The following PRELID2 variants were observed in gnomAD, a reference collection of about 807,000 sequenced individuals.
The protein encoded by PRELID2 is PRELI domain containing 2.
In PRELID2, 25 loss-of-function variants were observed where a neutral mutation model predicts 28.4. The observed-to-expected ratio is 0.88, with a 90% CI of 0.64 to 1.23. PRELID2 has a LOEUF of 1.23. Ranked by LOEUF, PRELID2 falls within the 50% of genes most tolerant of loss-of-function variation. The pLI, the probability that PRELID2 is intolerant of heterozygous loss-of-function variation, is 0.00. For missense variants in PRELID2, 201 were observed against 214.4 expected (o/e 0.94, Z 0.39); for synonymous variants, 76 against 71.6 (o/e 1.06, Z -0.31).
intron 1 of PRELID2, among the ~76,000 whole-genome samples, chr5:145,714,468 T>G (rs1755788890): frequency 6.6e-6 from 1 of 151,888 alleles, no homozygotes; most frequent in Non-Finnish European, 1.5e-5. Flanking sequence ...AAAATAAGAA[T>G]CAAATCGTTT....
chr5:145,319,113 AG>A, the PRELID2 span, among the ~76,000 whole-genome samples: 27 of 152,102 alleles, frequency 1.8e-4, no homozygotes, highest in South Asian at 4.2e-3. Context: ...GGTATGGTAT[AG>A]GGGGGCGTTG....
chr5:145,795,582 C>T (rs1752686211), intron 5 of PRELID2: 1 of 152,018 alleles, frequency 6.6e-6, no homozygotes, highest in Non-Finnish European at 1.5e-5. Context: ...TTTACACCAG[C>T]GGTTAATTCT....
At chr5:145,417,066 G>A in the PRELID2 span, among the ~76,000 whole-genome samples, 7 of 151,906 alleles carry the variant, frequency 4.6e-5, no homozygotes, top group Non-Finnish European at 7.4e-5. Context: ...GAAATGATAA[G>A]GGAGATATCA....
chr5:145,827,603 T>C (rs567413804), intron 1 of PRELID2, among the ~76,000 whole-genome samples: 1 of 152,262 alleles, frequency 6.6e-6, no homozygotes, highest in South Asian at 2.1e-4. Flanking sequence ...CTTTCAAAAA[T>C]GACCCAATAA....
intron 1 of PRELID2, among the ~76,000 whole-genome samples, chr5:145,534,157 C>T (rs1304822106): frequency 6.6e-6 from 1 of 151,946 alleles, no homozygotes; most frequent in African/African-American, 2.4e-5. Context: ...CTATTTAGGT[C>T]CTTTGACCCA....
chr5:145,295,424 C>T, the PRELID2 span, among the ~76,000 whole-genome samples: 1 of 152,062 alleles, frequency 6.6e-6, no homozygotes, highest in Admixed American at 6.6e-5. Context: ...TTGTGAAACC[C>T]TTTACACTGA....
chr5:145,291,980 C>G, the PRELID2 span, among the ~76,000 whole-genome samples: 1 of 152,078 alleles, frequency 6.6e-6, no homozygotes, highest in Admixed American at 6.6e-5. Context: ...GGTTATTTTT[C>G]CATATATGAT....
At chr5:145,826,249 T>A in intron 1 of PRELID2, 1 of 882,726 alleles carries the variant, frequency 1.1e-6, no homozygotes, top group Non-Finnish European at 1.4e-6. Context: ...TATAATAGTG[T>A]AAAGCCCGCA....
the PRELID2 span, among the ~76,000 whole-genome samples, chr5:145,432,065 AATAC>A: frequency 6.6e-6 from 1 of 152,298 alleles, no homozygotes; most frequent in South Asian, 2.1e-4. Flanking sequence ...ATTTCAGACT[AATAC>A]ATACATCATG....
intron 1 of PRELID2, among the ~76,000 whole-genome samples, chr5:145,495,749 T>A (rs999985803): frequency 6.6e-6 from 1 of 152,204 alleles, no homozygotes; most frequent in African/African-American, 2.4e-5. Context: ...GCATTAATAA[T>A]GCTAGATTTA....
chr5:145,564,284 C>T (rs1234002596), intron 1 of PRELID2, among the ~76,000 whole-genome samples: 1 of 152,232 alleles, frequency 6.6e-6, no homozygotes, highest in East Asian at 1.9e-4. Context: ...AAACTCCTTT[C>T]TGAAGTCCTC....
At chr5:145,268,326 G>T in the PRELID2 span, among the ~76,000 whole-genome samples, 1 of 148,924 alleles carries the variant, frequency 6.7e-6, no homozygotes, top group Admixed American at 6.6e-5. Context: ...TATGGCAAAA[G>T]ATATGGGCTC....
the PRELID2 span, among the ~76,000 whole-genome samples, chr5:145,451,786 T>A: frequency 6.6e-6 from 1 of 152,188 alleles, no homozygotes; most frequent in Non-Finnish European, 1.5e-5. Flanking sequence ...TATATTTTAA[T>A]GCAGCAATAG....
the PRELID2 span, among the ~76,000 whole-genome samples, chr5:145,380,842 A>G: frequency 2.0e-5 from 3 of 152,196 alleles, no homozygotes; most frequent in Non-Finnish European, 4.4e-5. Flanking sequence ...TGTCATCCAT[A>G]ACAAAGGGTC....
intron 1 of PRELID2, among the ~76,000 whole-genome samples, chr5:145,556,267 T>C (rs1358742362): frequency 6.6e-6 from 1 of 152,124 alleles, no homozygotes; most frequent in Non-Finnish European, 1.5e-5. Flanking sequence ...ATAAGAGCCT[T>C]ATGTGGAGCA....
chr5:145,409,786 T>G, the PRELID2 span, among the ~76,000 whole-genome samples: 1 of 148,224 alleles, frequency 6.7e-6, no homozygotes, highest in South Asian at 2.1e-4. Context: ...AGACATTATA[T>G]AATGATTAAA....
the PRELID2 span, among the ~76,000 whole-genome samples, chr5:145,451,479 C>T: frequency 6.6e-6 from 1 of 152,232 alleles, no homozygotes; most frequent in Non-Finnish European, 1.5e-5. Context: ...TCATGTATTC[C>T]TGTGTGTTTG....
intron 1 of PRELID2, among the ~76,000 whole-genome samples, chr5:145,703,750 A>G (rs1180278803): frequency 6.6e-6 from 1 of 152,194 alleles, no homozygotes; most frequent in Non-Finnish European, 1.5e-5. Flanking sequence ...GAAGACAGGA[A>G]TGGGTACTGG....
intron 1 of PRELID2, among the ~76,000 whole-genome samples, chr5:145,494,802 T>C (rs147923973): frequency 1.3e-5 from 2 of 152,304 alleles, no homozygotes; most frequent in African/African-American, 2.4e-5. Context: ...GCAAATCTCA[T>C]TGAATAGATA....
Sources: gnomAD v4.1 joint callset for allele counts (sites outside exome capture counted in the v4.1 genomes callset) on GRCh38, gnomAD v4.1.1 for gene constraint, MANE v1.5 for transcripts, NCBI Gene and HGNC (gene_info 2026-07-23, HGNC 2026-07-21) for gene names.